TGS1: variants seen among roughly 807,000 people sequenced by gnomAD.
TGS1 encodes trimethylguanosine synthase 1, also known as trimethylguanosine synthase.
TGS1 carries 69 observed loss-of-function variants against 92.2 expected under a neutral mutation model. The observed-to-expected ratio is 0.75, with a 90% CI of 0.62 to 0.91. TGS1 has a LOEUF of 0.91. TGS1 is among the 40% of genes least tolerant of loss of function. TGS1 has a pLI of 0.00. For missense variants in TGS1, 1,062 were observed against 1,001.2 expected (o/e 1.06, Z -0.82); for synonymous variants, 345 against 338.1 (o/e 1.02, Z -0.22).
intron 10 of TGS1, among the ~76,000 whole-genome samples, chr8:55,808,511 CTT>C (rs59912731): frequency 1.4e-3 from 162 of 117,908 alleles, no homozygotes; most frequent in Admixed American, 1.6e-3. Context: ...TTCTTTTTTT[CTT>C]TTTTTTTTTT....
chr8:55,803,379 A>G (rs1324610878), intron 9 of TGS1, among the ~76,000 whole-genome samples: 1 of 152,168 alleles, frequency 6.6e-6, no homozygotes, highest in Non-Finnish European at 1.5e-5. Context: ...GCTCGTTTTC[A>G]TATTGGGGTT....
At chr8:55,811,874 C>T (rs910695103) in intron 11 of TGS1, among the ~76,000 whole-genome samples, 5 of 152,098 alleles carry the variant, frequency 3.3e-5, no homozygotes, top group African/African-American at 4.8e-5. Flanking sequence ...ATGTGGGGAT[C>T]GATCTCCAAA....
chr8:55,774,276 C>T (rs1438577748), intron 1 of TGS1, among the ~76,000 whole-genome samples: 1 of 152,076 alleles, frequency 6.6e-6, no homozygotes, highest in Non-Finnish European at 1.5e-5. Flanking sequence ...AATAATACCG[C>T]CAAGAGACTT....
At chr8:55,815,711 A>T (rs1264897451) in intron 12 of TGS1, among the ~76,000 whole-genome samples, 1 of 152,102 alleles carries the variant, frequency 6.6e-6, no homozygotes, top group Non-Finnish European at 1.5e-5. Context: ...AGGTGATGCT[A>T]ATTGTTTCCT....
At chr8:55,817,819 C>G (rs1179711835) in intron 12 of TGS1, among the ~76,000 whole-genome samples, 3 of 152,178 alleles carry the variant, frequency 2.0e-5, no homozygotes, top group Admixed American at 6.6e-5. Context: ...TTGAAAATAG[C>G]CTTTACAACT....
At chr8:55,807,871 A>G (rs1803218347) in intron 10 of TGS1, among the ~76,000 whole-genome samples, 2 of 152,152 alleles carry the variant, frequency 1.3e-5, no homozygotes, top group African/African-American at 4.8e-5. Context: ...GAAGATGCAT[A>G]TTTTTAAATA....
chr8:55,792,299 G>A (rs1391846441), intron 5 of TGS1, among the ~76,000 whole-genome samples: 1 of 151,838 alleles, frequency 6.6e-6, no homozygotes, highest in Non-Finnish European at 1.5e-5. Flanking sequence ...TTTTTGGATT[G>A]TATTGATACT....
Position 55,773,470 on chromosome 8 carries a change from A to T in TGS1, c.-149A>T. The T allele has an allele frequency of 1.8e-6, 1 of 556,444 alleles. No homozygotes were observed. The highest frequency in any genetic ancestry group is 3.1e-6 in the Non-Finnish European group (1 of 325,914). 34.5% of individuals were successfully genotyped at this position (556,444 alleles called of 1,614,324 possible). ...CACTTCCGGCGGCAGCGTCCGGGCTAGTTCCCGGCGCGAGCGGCCGCGGGC... is the reference window on the plus strand; with the variant it reads ...CACTTCCGGCGGCAGCGTCCGGGCTTGTTCCCGGCGCGAGCGGCCGCGGGC... On this transcript the variant is annotated 5_prime_UTR_variant, in exon 1 of 13. Transcript: ENST00000260129.
At chr8:55,812,231 AAATTT>A (rs1287471977) in intron 11 of TGS1, among the ~76,000 whole-genome samples, 2 of 152,078 alleles carry the variant, frequency 1.3e-5, no homozygotes, top group Non-Finnish European at 2.9e-5. Flanking sequence ...ATTGCTATTA[AAATTT>A]AGAGTGTACT....
chr8:55,821,923 T>G (rs984764675), intron 12 of TGS1, among the ~76,000 whole-genome samples: 13 of 151,836 alleles, frequency 8.6e-5, no homozygotes, highest in African/African-American at 3.1e-4. Context: ...TTATTTTTTT[T>G]TTCAAGTAAA....
intron 10 of TGS1, among the ~76,000 whole-genome samples, chr8:55,810,273 A>G (rs1326206108): frequency 6.6e-6 from 1 of 152,258 alleles, no homozygotes; most frequent in African/African-American, 2.4e-5. Flanking sequence ...GTTGCTAATT[A>G]TAAAATTGGA....
chr8:55,773,583 G>A lies in TGS1; in HGVS notation c.-36G>A. ...GCGGAGGCCCGGCAGGCGCGACCCG[G>A]GCTGCGTACGTCAGAGCTGCCTCCG... is the stretch of plus-strand genomic sequence containing the variant. On this transcript the variant is annotated 5_prime_UTR_variant, in exon 1 of 13. Coordinates refer to ENST00000260129, the MANE Select transcript of TGS1 (RefSeq NM_024831.8). 1 of 1,561,038 alleles carries A rather than the reference G, an allele frequency of 6.4e-7. No homozygotes were observed. The highest frequency in any genetic ancestry group is 8.7e-7 in the Non-Finnish European group (1 of 1,144,122).
At chr8:55,779,746 AT>A (rs978110647) in intron 1 of TGS1, among the ~76,000 whole-genome samples, 1 of 152,228 alleles carries the variant, frequency 6.6e-6, no homozygotes, top group African/African-American at 2.4e-5. Context: ...ACACAATTGG[AT>A]TTGAATCAGA....
At position 55,773,603 on chromosome 8, in the gene TGS1, C is replaced by T. The variant is rs1811280252; in HGVS notation, c.-16C>T. The T allele has an allele frequency of 3.7e-6, 6 of 1,602,188 alleles. No individual in the cohort carries two copies. The highest frequency in any genetic ancestry group is 5.1e-6 in the Non-Finnish European group (6 of 1,174,192). ...ACCCGGGCTGCGTACGTCAGAGCTGCCTCCGAAGTGGTAAAATGTGCTGCG... is the reference window on the plus strand; with the variant it reads ...ACCCGGGCTGCGTACGTCAGAGCTGTCTCCGAAGTGGTAAAATGTGCTGCG... On this transcript the variant is annotated 5_prime_UTR_variant, in exon 1 of 13. Transcript: ENST00000260129.
intron 12 of TGS1, among the ~76,000 whole-genome samples, chr8:55,813,688 T>C (rs1232068327): frequency 6.6e-6 from 1 of 152,226 alleles, no homozygotes; most frequent in Non-Finnish European, 1.5e-5. Context: ...CAGGAGATGC[T>C]ATCTCCATTA....
At chr8:55,774,940 C>G (rs1018989986) in intron 1 of TGS1, among the ~76,000 whole-genome samples, 1 of 152,072 alleles carries the variant, frequency 6.6e-6, no homozygotes, top group African/African-American at 2.4e-5. Flanking sequence ...CAAAAGAAAG[C>G]CTGGGAAACT....
rs1198398926 is a variant in TGS1, at chr8:55,785,822, G to A, written c.270G>A (p.Glu90=). Residue 90 remains glutamate (E), a synonymous_variant, in exon 3 of 13, where the codon GAG becomes GAA. Coordinates refer to ENST00000260129, the MANE Select transcript of TGS1 (RefSeq NM_024831.8). ...IGLDESELDS[E]AELMRSMGLP... is the part of the protein sequence containing the mutation. ...TGGATGAAAGTGAACTTGATTCTGA[G>A]GCTGAACTCATGAGAAGTATGGGAT... is the stretch of plus-strand genomic sequence containing the variant. 6.2e-7 allele frequency: 1 copy of A among 1,614,040 alleles called. No homozygotes were observed. The highest frequency in any genetic ancestry group is 1.6e-4 in the Middle Eastern group (1 of 6,062).
chr8:55,778,097 C>T (rs1490064198), intron 1 of TGS1, among the ~76,000 whole-genome samples: 1 of 151,994 alleles, frequency 6.6e-6, no homozygotes, highest in Non-Finnish European at 1.5e-5. Context: ...CATGGCGAAA[C>T]CCCATCTCTA....
intron 9 of TGS1, 29 bp from the exon 10 acceptor site, chr8:55,804,864 A>C (rs1052753976): frequency 6.2e-7 from 1 of 1,604,720 alleles, no homozygotes; most frequent in South Asian, 1.1e-5. Flanking sequence ...GAAATTGAAC[A>C]TGCTAACACA....
Sources: allele counts gnomAD v4.1 joint callset (sites outside exome capture counted in the v4.1 genomes callset), GRCh38; gene constraint gnomAD v4.1.1; transcripts MANE v1.5; gene names NCBI Gene and HGNC (gene_info 2026-07-23, HGNC 2026-07-21).